SCN9A: variants seen among roughly 807,000 people sequenced by gnomAD.
The protein encoded by SCN9A is sodium voltage-gated channel alpha subunit 9.
In SCN9A, 131 loss-of-function variants were observed where a neutral mutation model predicts 187.0. That is an observed-to-expected ratio of 0.70 (90% confidence interval 0.61 to 0.81). The LOEUF (loss-of-function observed/expected upper bound fraction) is 0.81. Ranked by LOEUF, SCN9A falls within the 30% of genes least tolerant of loss-of-function variation. SCN9A has a pLI of 0.00. For missense variants in SCN9A, 2,252 were observed against 2,396.6 expected (o/e 0.94, Z 1.26); for synonymous variants, 809 against 808.6 (o/e 1.00, Z -0.01).
intron 17 of SCN9A, among the ~76,000 whole-genome samples, 183 bp from the exon 18 acceptor site, chr2:166,252,068 G>C (rs144952717): frequency 6.7e-4 from 102 of 151,582 alleles, no homozygotes; most frequent in African/African-American, 2.1e-3. Context: ...ATCTATACTT[G>C]ATCTTTCTAT....
intron 1 of SCN9A, among the ~76,000 whole-genome samples, chr2:166,374,057 G>T (rs548274093): frequency 6.6e-6 from 1 of 152,242 alleles, no homozygotes; most frequent in South Asian, 2.1e-4. Flanking sequence ...AAACATAGAA[G>T]CATTACCACA....
At chr2:166,328,298 T>C (rs1199826589) in intron 1 of SCN9A, among the ~76,000 whole-genome samples, 1 of 152,134 alleles carries the variant, frequency 6.6e-6, no homozygotes, top group African/African-American at 2.4e-5. Flanking sequence ...AAGTCCAGGT[T>C]TGTTACATAG....
intron 1 of SCN9A, among the ~76,000 whole-genome samples, chr2:166,355,708 T>G (rs973860023): frequency 5.3e-5 from 8 of 152,184 alleles, no homozygotes; most frequent in Admixed American, 5.2e-4. Flanking sequence ...TTTACCTTTT[T>G]GTGCATATAT....
chr2:166,315,235 T>C (rs1699080278), intron 1 of SCN9A, among the ~76,000 whole-genome samples: 1 of 152,186 alleles, frequency 6.6e-6, no homozygotes, highest in Non-Finnish European at 1.5e-5. Flanking sequence ...GAATAACTGG[T>C]GTTTTTGTAG....
At chr2:166,320,155 T>A (rs751798524) in intron 1 of SCN9A, among the ~76,000 whole-genome samples, 22 of 152,164 alleles carry the variant, frequency 1.4e-4, no homozygotes, top group Non-Finnish European at 2.1e-4. Flanking sequence ...AACTTTTTTT[T>A]AAAAAAGCGG....
chr2:166,281,303 T>C (rs1231707273), intron 13 of SCN9A, among the ~76,000 whole-genome samples: 1 of 152,164 alleles, frequency 6.6e-6, no homozygotes. Flanking sequence ...AGCGAATATG[T>C]AATTTGTAAG....
At position 166,204,155 on chromosome 2, in the gene SCN9A, A is replaced by T; in HGVS notation, c.4574T>A (p.Ile1525Asn). ...CATCATGGTTACCATGTTGAGACAG[A>T]TAAGAACCATGATACTAATATCAAA... ...QAFDISIMVL[I>N]CLNMVTMMVE... is the part of the protein sequence containing the mutation. Residue 1525 changes from isoleucine (I) to asparagine (N), a missense_variant, in exon 26 of 27, where the codon ATC becomes AAC. By Grantham distance (149) the Ile-to-Asn change is moderately radical. Around this residue, in one of 7 missense-constraint regions of SCN9A, gnomAD observed 368 missense variants for 408.6 expected, o/e 0.90. Transcript: ENST00000642356. The T allele has an allele frequency of 1.2e-6, 2 of 1,612,458 alleles. No homozygotes were observed. The highest frequency in any genetic ancestry group is 1.7e-6 in the Non-Finnish European group (2 of 1,178,828).
intron 24 of SCN9A, among the ~76,000 whole-genome samples, chr2:166,213,647 A>G (rs891889878): frequency 6.6e-6 from 1 of 152,180 alleles, no homozygotes; most frequent in African/African-American, 2.4e-5. Context: ...AAGTCATTTT[A>G]TGGGGCCAGA....
intron 16 of SCN9A, 21 bp downstream of exon 16, chr2:166,276,962 C>T (rs2106468500): frequency 1.3e-6 from 2 of 1,574,060 alleles, no homozygotes; most frequent in South Asian, 1.2e-5. Context: ...AATTAAAATG[C>T]ATGAACATCT....
At chr2:166,331,849 T>C (rs775383881) in intron 1 of SCN9A, among the ~76,000 whole-genome samples, 1 of 152,206 alleles carries the variant, frequency 6.6e-6, no homozygotes, top group Admixed American at 6.5e-5. Flanking sequence ...TACTTTAATA[T>C]AAAAAGTCAA....
chr2:166,281,891 T>C, intron 12 of SCN9A, 83 bp from the exon 13 acceptor site: 5 of 1,259,804 alleles, frequency 4.0e-6, no homozygotes, highest in Non-Finnish European at 5.4e-6. Context: ...TATATAGCTG[T>C]AGTGAGTAAT....
chr2:166,246,333 G>T (rs1343938137), intron 18 of SCN9A, among the ~76,000 whole-genome samples: 1 of 151,512 alleles, frequency 6.6e-6, no homozygotes, highest in Non-Finnish European at 1.5e-5. Context: ...AAAAAAAAAG[G>T]TGAATGGAAA....
At chr2:166,310,853 T>C (rs1343583529) in intron 2 of SCN9A, among the ~76,000 whole-genome samples, 1 of 78,008 alleles carries the variant, frequency 1.3e-5, no homozygotes, top group Admixed American at 1.1e-4. Flanking sequence ...AACCCAAATG[T>C]CCAACAATGA....
At chr2:166,274,797 A>G (rs963762165) in intron 16 of SCN9A, among the ~76,000 whole-genome samples, 1 of 152,230 alleles carries the variant, frequency 6.6e-6, no homozygotes, top group Non-Finnish European at 1.5e-5. Flanking sequence ...AAAGGAAAAC[A>G]TAACTCTCAC....
intron 1 of SCN9A, among the ~76,000 whole-genome samples, chr2:166,360,812 T>A (rs1700266383): frequency 6.6e-6 from 1 of 152,250 alleles, no homozygotes; most frequent in African/African-American, 2.4e-5. Flanking sequence ...CTATACAGAC[T>A]GAAATTTTTA....
intron 9 of SCN9A, among the ~76,000 whole-genome samples, chr2:166,289,006 TTTTC>T (rs1697915103): frequency 6.6e-6 from 1 of 152,140 alleles, no homozygotes; most frequent in Admixed American, 6.5e-5. Context: ...AAATTCTATC[TTTTC>T]TTTCTTTATC....
At chr2:166,304,112 C>CT in intron 6 of SCN9A, 126 bp downstream of exon 6, 1 of 1,613,634 alleles carries the variant, frequency 6.2e-7, no homozygotes, top group Non-Finnish European at 8.5e-7. Flanking sequence ...TCCACAAACT[C>CT]TGTCACATAT....
intron 1 of SCN9A, among the ~76,000 whole-genome samples, chr2:166,363,113 C>G (rs555336411): frequency 1.3e-5 from 2 of 151,982 alleles, no homozygotes; most frequent in East Asian, 3.8e-4. Flanking sequence ...CGGTAACAAA[C>G]TCTTCTGAAA....
intron 17 of SCN9A, among the ~76,000 whole-genome samples, chr2:166,266,068 A>G (rs756077376): frequency 6.6e-6 from 1 of 151,794 alleles, no homozygotes; most frequent in Non-Finnish European, 1.5e-5. Flanking sequence ...TTAGTTTAAT[A>G]TAATCCAATT....
Sources: gnomAD v4.1 joint callset for allele counts (sites outside exome capture counted in the v4.1 genomes callset) on GRCh38, gnomAD v4.1.1 for gene constraint, gnomAD v4.1.1 regional missense constraint, MANE v1.5 for transcripts, NCBI Gene and HGNC (gene_info 2026-07-23, HGNC 2026-07-21) for gene names.